Variants in CSKMT observed in about 807,000 individuals in gnomAD.
CSKMT encodes citrate synthase lysine methyltransferase.
Under a neutral mutation model 4.6 loss-of-function variants are expected in CSKMT, and 6 were observed. The observed-to-expected ratio is 1.31, with a 90% CI of 0.72 to 2.59. CSKMT has a LOEUF of 2.59. CSKMT is among the 30% of genes most tolerant of loss of function. The pLI, the probability that CSKMT is intolerant of heterozygous loss-of-function variation, is 0.00. For missense variants in CSKMT, 328 were observed against 298.0 expected (o/e 1.10, Z -0.74); for synonymous variants, 142 against 128.9 (o/e 1.10, Z -0.69).
At position 62,665,333 on chromosome 11, in the gene CSKMT, G is replaced by C. The variant is rs563390035; in HGVS notation, c.-234+1G>C. On this transcript the variant is annotated splice_donor_variant, in intron 1 of 2. Transcript: ENST00000532971. LOFTEE classifies it low-confidence loss of function (5UTR_SPLICE). Reference sequence around the variant, plus strand: ...AGGCCTTTCGGAGGGTGGTGAGCTAGTAAGTGTGGTTTTAGCTGTAGTAGC... The same window carrying C: ...AGGCCTTTCGGAGGGTGGTGAGCTACTAAGTGTGGTTTTAGCTGTAGTAGC... The C allele has an allele frequency of 1.5e-4, 112 of 754,762 alleles. No individual in the cohort carries two copies. Among genetic ancestry groups the C allele is most frequent in the South Asian group, 3.9e-4 (24 of 62,204 alleles). 46.8% of individuals were successfully genotyped at this position (754,762 alleles called of 1,614,324 possible). A position where few individuals can be genotyped will look rare whatever the true frequency, so the allele number is the denominator to read the frequency against.
At position 62,666,618 on chromosome 11, in the gene CSKMT, C is replaced by A. The variant is rs541913227; in HGVS notation, c.290C>A (p.Ser97Tyr). The change falls in exon 3 of 3, where the codon TCT (serine) becomes TAT (tyrosine). Residue 97 changes from serine (S) to tyrosine (Y), a missense_variant. Transcript: ENST00000532971. ...CTATGTACAGGCCTCTACACCAAAT[C>A]TCCACACCCAGTGGATGTGCTGGGG... ...SSLCTGLYTK[S>Y]PHPVDVLGVD... 3 of 1,614,184 alleles carry A rather than the reference C, an allele frequency of 1.9e-6. No homozygotes were observed. In the South Asian group the frequency reaches 3.3e-5, roughly 18 times the overall value.
chr11:62,667,474 G>C lies in CSKMT; in HGVS notation c.*423G>C. 1 of 1,578,846 alleles carries C rather than the reference G, an allele frequency of 6.3e-7. No individual in the cohort carries two copies. Reference sequence around the variant, plus strand: ...GATTGTAAGAGGATGGGTATAAGGAGCTTCATAAACCTGGATGAGATATTT... The same window carrying C: ...GATTGTAAGAGGATGGGTATAAGGACCTTCATAAACCTGGATGAGATATTT... On this transcript the variant is annotated 3_prime_UTR_variant, in exon 3 of 3. Coordinates refer to ENST00000532971, the MANE Select transcript of CSKMT (RefSeq NM_001043229.2).
rs1565127790 is a variant in CSKMT, at chr11:62,666,735, C to CA, written c.409dup (p.Ser137LysfsTer40). 3.1e-6 allele frequency: 5 copies of CA among 1,614,114 alleles called. No homozygotes were observed. In the South Asian group the frequency reaches 5.5e-5, roughly 18 times the overall value. On this transcript the variant is annotated frameshift_variant, in exon 3 of 3. Transcript: ENST00000532971. LOFTEE classifies it high-confidence loss of function. ...CCTCTATGCCCTGGACACCCTGCCT[C>CA]AAGCCTCCACTTCATGCACGCCGAT... is the stretch of plus-strand genomic sequence containing the variant.
chr11:62,665,989 G>C, intron 2 of CSKMT, 43 bp downstream of exon 2: 1 of 1,579,644 alleles, frequency 6.3e-7, no homozygotes, highest in Non-Finnish European at 8.6e-7. Context: ...GGTGGGGGCA[G>C]AGTGGGGAGG....
intron 1 of CSKMT, 22 bp from the exon 2 acceptor site, chr11:62,665,623 TCA>T: frequency 1.3e-6 from 2 of 1,536,450 alleles, no homozygotes; most frequent in Non-Finnish European, 1.7e-6. Context: ...ATCGGGGTGC[TCA>T]CACTTTCTCA....
rs151251828 is a variant in CSKMT, at chr11:62,667,530, G to A, written c.*479G>A. ...GGAGGGAACAATACTTACCCTCAAA[G>A]CTATTAGGAGGCAGGAGATGGGAAT... On this transcript the variant is annotated 3_prime_UTR_variant, in exon 3 of 3. Coordinates refer to ENST00000532971, the MANE Select transcript of CSKMT (RefSeq NM_001043229.2). 1.2e-6 allele frequency: 2 copies of A among 1,613,492 alleles called. No homozygotes were observed. Among genetic ancestry groups the A allele is most frequent in the African/African-American group, 2.7e-5 (2 of 74,884 alleles).
Position 62,667,944 on chromosome 11 carries a change from T to C in CSKMT, c.*893T>C. 1 of 543,796 alleles carries C rather than the reference T, an allele frequency of 1.8e-6. No homozygotes were observed. Among genetic ancestry groups the C allele is most frequent in the Admixed American group, 3.1e-5 (1 of 32,124 alleles). The allele number at this position is 543,796 out of a possible 1,614,324, so 33.7% of individuals were successfully genotyped here. ...TGAGCCCGGGATAGTGGCACAGGCATGTAGTTCCAACTACTCAGGAGGCTG... is the reference window on the plus strand; with the variant it reads ...TGAGCCCGGGATAGTGGCACAGGCACGTAGTTCCAACTACTCAGGAGGCTG... On this transcript the variant is annotated 3_prime_UTR_variant, in exon 3 of 3. Transcript: ENST00000532971.
At chr11:62,666,229 AGGAGGCTGAGGT>A (rs1330715714) in intron 2 of CSKMT, 155 bp from the exon 3 acceptor site, 1 of 777,682 alleles carries the variant, frequency 1.3e-6, no homozygotes, top group East Asian at 2.7e-5. Context: ...CTAGCTACTC[AGGAGGCTGAGGT>A]GGAGGCTTCA....
At position 62,666,802 on chromosome 11, in the gene CSKMT, A is replaced by AG. The variant is rs1565127951; in HGVS notation, c.474_475insG (p.Leu159AlafsTer18). ...CTGTGGCTTCTTCAGGCTCTTTCCA[A>AG]CTACTGCTGGACAAAGGCACATGGG... On this transcript the variant is annotated frameshift_variant, in exon 3 of 3. Coordinates refer to ENST00000532971, the MANE Select transcript of CSKMT (RefSeq NM_001043229.2). LOFTEE classifies it high-confidence loss of function. The AG allele has an allele frequency of 1.9e-6, 3 of 1,613,954 alleles. No homozygotes were observed.
At position 62,667,017 on chromosome 11, in the gene CSKMT, C is replaced by G; in HGVS notation, c.689C>G (p.Thr230Ser). ...GAGCTAGGCCCGTTCAGGGGCATCACCTACTTTGCTTACTTGATTCAAGGC... is the reference window on the plus strand; with the variant it reads ...GAGCTAGGCCCGTTCAGGGGCATCAGCTACTTTGCTTACTTGATTCAAGGC... ...VQELGPFRGI[T>S]YFAYLIQGSH The change falls in exon 3 of 3, where the codon ACC (threonine) becomes AGC (serine). Residue 230 changes from threonine (T) to serine (S), a missense_variant. Transcript: ENST00000532971. 6.2e-7 allele frequency: 1 copy of G among 1,609,546 alleles called. No individual in the cohort carries two copies. Among genetic ancestry groups the G allele is most frequent in the Non-Finnish European group, 8.5e-7 (1 of 1,177,944 alleles).
Position 62,666,711 on chromosome 11 carries a change from C to G in CSKMT, c.383C>G (p.Pro128Arg). ...SLLEGGPGQTPLCPGHPASSL... is the reference protein window; with the variant it reads ...SLLEGGPGQTRLCPGHPASSL... Reference sequence around the variant, plus strand: ...CTGGAGGGTGGCCCAGGCCAAACACCTCTATGCCCTGGACACCCTGCCTCA... The same window carrying G: ...CTGGAGGGTGGCCCAGGCCAAACACGTCTATGCCCTGGACACCCTGCCTCA... Residue 128 changes from proline (P) to arginine (R), a missense_variant, in exon 3 of 3, where the codon CCT (proline) becomes CGT (arginine). Coordinates refer to ENST00000532971, the MANE Select transcript of CSKMT (RefSeq NM_001043229.2). 3 of 1,614,118 alleles carry G rather than the reference C, an allele frequency of 1.9e-6. No homozygotes were observed. Among genetic ancestry groups the G allele is most frequent in the Middle Eastern group, 3.3e-4 (2 of 6,062 alleles).
At chr11:62,666,358 G>A (rs368591897) in intron 2 of CSKMT, 38 bp from the exon 3 acceptor site, 4 of 1,599,548 alleles carry the variant, frequency 2.5e-6, no homozygotes, top group Non-Finnish European at 1.7e-6. Flanking sequence ...TTGCAGTGGC[G>A]ACATAGACCA....
At position 62,666,639 on chromosome 11, in the gene CSKMT, TG is replaced by T; in HGVS notation, c.316del (p.Val106TrpfsTer11). 1 of 1,614,168 alleles carries T rather than the reference TG, an allele frequency of 6.2e-7. No homozygotes were observed. Among genetic ancestry groups the T allele is most frequent in the Non-Finnish European group, 8.5e-7 (1 of 1,180,030 alleles). ...YTKSPHPVDV[L>X]GVDFSPVAVA... is the part of the protein sequence containing the mutation. ...AAATCTCCACACCCAGTGGATGTGC[TG>T]GGGGTGGACTTTTCTCCTGTGGCTG... On this transcript the variant is annotated frameshift_variant, in exon 3 of 3. Coordinates refer to ENST00000532971, the MANE Select transcript of CSKMT (RefSeq NM_001043229.2). LOFTEE classifies it low-confidence loss of function (END_TRUNC).
intron 2 of CSKMT, 100 bp from the exon 3 acceptor site, chr11:62,666,296 T>A (rs776521708): frequency 1.4e-4 from 177 of 1,251,858 alleles, no homozygotes; most frequent in Non-Finnish European, 2.0e-4. Context: ...GGTCACAGAG[T>A]GAGACCCTGT....
intron 2 of CSKMT, 189 bp from the exon 3 acceptor site, chr11:62,666,207 G>A: frequency 1.4e-6 from 1 of 724,776 alleles, no homozygotes; most frequent in South Asian, 1.7e-5. Flanking sequence ...GGGCACGATG[G>A]CGCCTATAGT....
intron 1 of CSKMT, 68 bp from the exon 2 acceptor site, chr11:62,665,579 G>C: frequency 6.4e-7 from 1 of 1,569,410 alleles, no homozygotes. Flanking sequence ...CGGGAATCTC[G>C]GAGAAGGACA....
In CSKMT at chr11:62,666,716, TGCCCTG is replaced by T. The variant is rs764336072; in HGVS notation, c.390_395del (p.Cys130_Gly132delinsTer). The stretch of plus-strand genomic sequence containing the variant: ...GGGTGGCCCAGGCCAAACACCTCTA[TGCCCTG>T]GACACCCTGCCTCAAGCCTCCACTT... On this transcript the variant is annotated stop_gained and inframe_deletion, in exon 3 of 3. Transcript: ENST00000532971. LOFTEE classifies it low-confidence loss of function (END_TRUNC). The T allele has an allele frequency of 4.3e-6, 7 of 1,613,944 alleles. No homozygotes were observed. Among genetic ancestry groups the T allele is most frequent in the Non-Finnish European group, 5.9e-6 (7 of 1,180,014 alleles).
At chr11:62,666,364 G>C (rs694082) in intron 2 of CSKMT, 32 bp from the exon 3 acceptor site, 7 of 1,601,568 alleles carry the variant, frequency 4.4e-6, no homozygotes, top group Non-Finnish European at 5.9e-6. Context: ...TGGCGACATA[G>C]ACCAAGTGAC....
chr11:62,666,646 G>A lies in CSKMT; in HGVS notation c.318G>A (p.Val106=). ...KSPHPVDVLG[V]DFSPVAVAHM... The stretch of plus-strand genomic sequence containing the variant: ...CACACCCAGTGGATGTGCTGGGGGT[G>A]GACTTTTCTCCTGTGGCTGTGGCCC... The change falls in exon 3 of 3, where the codon GTG becomes GTA. Residue 106 remains valine, a synonymous_variant. Transcript: ENST00000532971. 2 of 1,614,172 alleles carry A rather than the reference G, an allele frequency of 1.2e-6. No individual in the cohort carries two copies. The highest frequency in any genetic ancestry group is 8.5e-7 in the Non-Finnish European group (1 of 1,180,036).
Sources: gnomAD v4.1 joint callset for allele counts on GRCh38, gnomAD v4.1.1 for gene constraint, MANE v1.5 for transcripts, NCBI Gene and HGNC (gene_info 2026-07-23, HGNC 2026-07-21) for gene names.